RAB11FIP4: variants seen among roughly 807,000 people sequenced by gnomAD.
RAB11FIP4 encodes rab11 family-interacting protein 4.
A neutral mutation model predicts 74.3 loss-of-function variants in RAB11FIP4; 23 were observed. The observed-to-expected ratio is 0.31, with a 90% CI of 0.22 to 0.44. The LOEUF (loss-of-function observed/expected upper bound fraction) is 0.44, where lower values mean the gene tolerates loss of function less well. RAB11FIP4 is among the 20% of genes least tolerant of loss of function. RAB11FIP4 has a pLI of 1.00. For synonymous variants in RAB11FIP4, 360 were observed against 359.9 expected (o/e 1.00, Z 0.00); for missense variants, 630 against 863.9 (o/e 0.73, Z 3.39).
chr17:31,447,818 C>CTGCGGGAAAGACTTTTT (rs2071482440), intron 3 of RAB11FIP4, among the ~76,000 whole-genome samples: 1 of 152,144 alleles, frequency 6.6e-6, no homozygotes. Flanking sequence ...CCACCGCGCC[C>CTGCGGGAAAGACTTTTT]AACTGCTGTA....
chr17:31,460,221 G>T (rs1374093554), intron 3 of RAB11FIP4, among the ~76,000 whole-genome samples: 1 of 152,208 alleles, frequency 6.6e-6, no homozygotes, highest in African/African-American at 2.4e-5. Flanking sequence ...CTAGGCTGTT[G>T]TTTAAAAAAT....
At chr17:31,433,555 G>A (rs537928479) in intron 2 of RAB11FIP4, among the ~76,000 whole-genome samples, 138 of 152,366 alleles carry the variant, frequency 9.1e-4, no homozygotes, top group African/African-American at 3.1e-3. Flanking sequence ...GATCTCAGGA[G>A]CGAGGCCAGC....
At chr17:31,498,706 T>C (rs1376520450) in intron 3 of RAB11FIP4, among the ~76,000 whole-genome samples, 1 of 152,200 alleles carries the variant, frequency 6.6e-6, no homozygotes, top group Admixed American at 6.5e-5. Flanking sequence ...ATGCTCTCCT[T>C]GAGTTGGATA....
chr17:31,399,885 A>C (rs907049926), intron 1 of RAB11FIP4, among the ~76,000 whole-genome samples: 2 of 151,736 alleles, frequency 1.3e-5, no homozygotes, highest in Non-Finnish European at 2.9e-5. Flanking sequence ...TCTATTAAAA[A>C]TACAAGAATT....
In RAB11FIP4 at chr17:31,492,359, G is replaced by A. The variant is rs75622868; in HGVS notation, c.337-25292G>A. Among the ~76,000 whole-genome samples the A allele has an allele frequency of 3.9e-3, 601 of 152,308 alleles. 3 individuals carry two copies. The highest frequency in any genetic ancestry group is 0.013 in the African/African-American group (551 of 41,576). ...TGTGTGTACACACACGTGTGTTTGC[G>A]TGTCATGCGGCATTCGGATGGGGCA... On this transcript the variant is annotated intron_variant, in intron 3 of 14. Transcript: ENST00000621161.
chr17:31,454,938 G>C (rs2071564905), intron 3 of RAB11FIP4, among the ~76,000 whole-genome samples: 1 of 152,130 alleles, frequency 6.6e-6, no homozygotes, highest in Admixed American at 6.5e-5. Flanking sequence ...GAGGTGCCAG[G>C]TGAACTGACG....
At chr17:31,483,646 C>T (rs2071872888) in intron 3 of RAB11FIP4, among the ~76,000 whole-genome samples, 1 of 152,152 alleles carries the variant, frequency 6.6e-6, no homozygotes, top group African/African-American at 2.4e-5. Context: ...AGTTTGAGAA[C>T]AACTTGCCAG....
At chr17:31,439,363 T>G (rs907085775) in intron 3 of RAB11FIP4, among the ~76,000 whole-genome samples, 7 of 152,256 alleles carry the variant, frequency 4.6e-5, no homozygotes, top group African/African-American at 1.4e-4. Context: ...CCCCATGGCC[T>G]TCGCCAACCC....
At chr17:31,471,796 G>T (rs1475074785) in intron 3 of RAB11FIP4, among the ~76,000 whole-genome samples, 1 of 152,208 alleles carries the variant, frequency 6.6e-6, no homozygotes, top group Non-Finnish European at 1.5e-5. Flanking sequence ...AGCCTTGCAG[G>T]CTGGGCCTGG....
Position 31,516,749 on chromosome 17 carries a change from G to A in RAB11FIP4, c.337-902G>A, listed in dbSNP as rs866132558. Among the ~76,000 whole-genome samples, 15 of 152,356 alleles carry A rather than the reference G, an allele frequency of 9.8e-5. No individual in the cohort carries two copies. In the Middle Eastern group the frequency reaches 0.014, roughly 138 times the overall value. On this transcript the variant is annotated intron_variant, in intron 3 of 14. Transcript: ENST00000621161. ...TCCCAAGTGCTGGGATTACAGGCGT[G>A]AGCCACCGTGCCTAGAGATTTATTG...
chr17:31,470,567 A>G (rs949055015), intron 3 of RAB11FIP4, among the ~76,000 whole-genome samples: 3 of 152,206 alleles, frequency 2.0e-5, no homozygotes, highest in Admixed American at 6.5e-5. Context: ...TGGATGATAC[A>G]TGGCTCTCAT....
rs1567658233 is a variant in RAB11FIP4, at chr17:31,445,557, TATATATATATATATATATA to T, written c.336+11436_336+11454del. On this transcript the variant is annotated intron_variant, in intron 3 of 14. Transcript: ENST00000621161. ...TTATATATATATATATATATATATA[TATATATATATATATATATA>T]TATTTTTTTTTTTTTTTTTTTTTTT... is the stretch of plus-strand genomic sequence containing the variant. 2.6e-3 allele frequency among the ~76,000 whole-genome samples: 32 copies of T among 12,476 alleles called. 3 individuals are homozygous for T. The highest frequency in any genetic ancestry group is 7.3e-3 in the African/African-American group (30 of 4,134). 8.2% of individuals were successfully genotyped at this position (12,476 alleles called of 152,430 possible). A position where few individuals can be genotyped will look rare whatever the true frequency, so the allele number is the denominator to read the frequency against.
chr17:31,484,374 C>A (rs185193049), intron 3 of RAB11FIP4, among the ~76,000 whole-genome samples: 1 of 150,444 alleles, frequency 6.6e-6, no homozygotes, highest in Non-Finnish European at 1.5e-5. Context: ...CCGGGCCTGA[C>A]ATTGTCTCTT....
intron 1 of RAB11FIP4, among the ~76,000 whole-genome samples, chr17:31,406,967 A>G (rs987609559): frequency 1.4e-5 from 2 of 146,104 alleles, no homozygotes; most frequent in African/African-American, 5.1e-5. Context: ...TAAATAAGCC[A>G]TTTTGTTTAT....
At chr17:31,418,604 C>T (rs2063094758) in intron 1 of RAB11FIP4, among the ~76,000 whole-genome samples, 1 of 151,488 alleles carries the variant, frequency 6.6e-6, no homozygotes, top group Non-Finnish European at 1.5e-5. Context: ...GCTGGGACTA[C>T]AGGCGTGCAC....
chr17:31,478,240 G>A (rs139920724), intron 3 of RAB11FIP4, among the ~76,000 whole-genome samples: 2,913 of 152,126 alleles, frequency 0.019, 77 homozygotes, highest in African/African-American at 0.068. Context: ...TGATTCACCC[G>A]CCTTGGTCTC....
At chr17:31,410,934 G>A (rs1008103329) in intron 1 of RAB11FIP4, among the ~76,000 whole-genome samples, 5 of 152,136 alleles carry the variant, frequency 3.3e-5, no homozygotes, top group African/African-American at 1.2e-4. Context: ...CAGCTTCCAG[G>A]GTCCCACCCT....
In RAB11FIP4 at chr17:31,401,299, TG is replaced by T. The variant is rs2070983661; in HGVS notation, c.159+9289del. 9.4e-5 allele frequency among the ~76,000 whole-genome samples: 14 copies of T among 149,442 alleles called. No homozygotes were observed. In the South Asian group the frequency reaches 2.7e-3, roughly 29 times the overall value. ...TAAAAAAAAAAAAAAATGCCAGGCT[TG>T]CCCCAGCATCTTCAGATTCTTGGAG... On this transcript the variant is annotated intron_variant, in intron 1 of 14. Transcript: ENST00000621161.
At position 31,517,729 on chromosome 17, in the gene RAB11FIP4, G is replaced by A; in HGVS notation, c.415G>A (p.Glu139Lys). ...REPGFFPEDEEEAMTLAPPEG... is the reference protein window; with the variant it reads ...REPGFFPEDEKEAMTLAPPEG... ...ACCCGGCTTTTTTCCCGAGGACGAG[G>A]AGGAGGCTATGACGCTGGCGCCACC... is the stretch of plus-strand genomic sequence containing the variant. Residue 139 changes from glutamate (E) to lysine (K), a missense_variant, in exon 4 of 15, where the codon GAG (glutamate) becomes AAG (lysine). Glu to Lys is a moderately conservative substitution (Grantham distance 56, BLOSUM62 1). Coordinates refer to ENST00000621161, the MANE Select transcript of RAB11FIP4 (RefSeq NM_032932.6). 6.2e-7 allele frequency: 1 copy of A among 1,600,144 alleles called. No individual in the cohort carries two copies. Among genetic ancestry groups the A allele is most frequent in the East Asian group, 2.2e-5 (1 of 44,536 alleles).
Sources: gnomAD v4.1 joint callset for allele counts (sites outside exome capture counted in the v4.1 genomes callset) on GRCh38, gnomAD v4.1.1 for gene constraint, MANE v1.5 for transcripts, NCBI Gene and HGNC (gene_info 2026-07-23, HGNC 2026-07-21) for gene names.